NXPH1: variants seen among roughly 807,000 people sequenced by gnomAD.
NXPH1 encodes the protein neurexophilin 1.
In NXPH1, 5 loss-of-function variants were observed where a neutral mutation model predicts 23.7. The observed-to-expected ratio is 0.21, with a 90% CI of 0.11 to 0.44. The LOEUF (loss-of-function observed/expected upper bound fraction) is 0.44. Ranked by LOEUF, NXPH1 falls within the 20% of genes least tolerant of loss-of-function variation. The pLI is 0.99. For missense variants in NXPH1, 324 were observed against 321.6 expected (o/e 1.01, Z -0.06); for synonymous variants, 144 against 122.2 (o/e 1.18, Z -1.18).
At chr7:8,678,434 G>A (rs534583692) in intron 2 of NXPH1, among the ~76,000 whole-genome samples, 7 of 152,142 alleles carry the variant, frequency 4.6e-5, no homozygotes, top group South Asian at 2.1e-4. Flanking sequence ...GGGGTCTGTG[G>A]GAGTTTCTCA....
rs184310747 is a variant in NXPH1 at position 8,493,236 on chromosome 7, A to G, written c.54+57469A>G. ...GGACAATGGTTAGTTCACCTGAAGG[A>G]ATGTCTCCTGCTAAGGCTCTGTACC... On this transcript the variant is annotated intron_variant, in intron 2 of 2. Coordinates refer to ENST00000405863, the MANE Select transcript of NXPH1 (RefSeq NM_152745.3). Among the ~76,000 whole-genome samples, 90 of 152,134 alleles carry G rather than the reference A, an allele frequency of 5.9e-4. 1 individual carries two copies. The highest frequency in any genetic ancestry group is 2.1e-3 in the African/African-American group (88 of 41,542).
chr7:8,484,044 G>GC (rs1817118706), intron 2 of NXPH1, among the ~76,000 whole-genome samples: 2 of 146,322 alleles, frequency 1.4e-5, no homozygotes, highest in African/African-American at 5.2e-5. Flanking sequence ...GAAGCCATTT[G>GC]CTTCAGTAAG....
intron 2 of NXPH1, among the ~76,000 whole-genome samples, chr7:8,536,359 G>T (rs1281526013): frequency 1.3e-5 from 2 of 152,024 alleles, no homozygotes; most frequent in East Asian, 3.9e-4. Context: ...CATGGCTTTA[G>T]AACATTTCTG....
At chr7:8,745,762 G>T (rs181590015) in intron 2 of NXPH1, among the ~76,000 whole-genome samples, 3 of 145,020 alleles carry the variant, frequency 2.1e-5, no homozygotes, top group East Asian at 4.1e-4. Flanking sequence ...TAGAGACAGG[G>T]TGTCACCATG....
intron 2 of NXPH1, among the ~76,000 whole-genome samples, chr7:8,479,765 A>G (rs1395060612): frequency 1.3e-5 from 2 of 152,174 alleles, no homozygotes; most frequent in Admixed American, 6.6e-5. Flanking sequence ...TCAGGAATCA[A>G]TTTTAAGAAC....
At chr7:8,592,235 A>G (rs948243978) in intron 2 of NXPH1, among the ~76,000 whole-genome samples, 3 of 151,990 alleles carry the variant, frequency 2.0e-5, no homozygotes, top group African/African-American at 7.2e-5. Flanking sequence ...ATGGGACATG[A>G]TGTGTGAGAG....
chr7:8,596,054 C>G (rs549723653), intron 2 of NXPH1, among the ~76,000 whole-genome samples: 19 of 151,990 alleles, frequency 1.3e-4, no homozygotes, highest in Middle Eastern at 3.4e-3. Flanking sequence ...TCACAGAAAA[C>G]AAATGGTATA....
At chr7:8,482,290 C>G (rs1466436835) in intron 2 of NXPH1, among the ~76,000 whole-genome samples, 1 of 152,182 alleles carries the variant, frequency 6.6e-6, no homozygotes, top group East Asian at 1.9e-4. Flanking sequence ...CTGATTGTGC[C>G]TCAGTGAATG....
intron 2 of NXPH1, among the ~76,000 whole-genome samples, chr7:8,738,483 C>T (rs1203085969): frequency 6.6e-6 from 1 of 152,176 alleles, no homozygotes; most frequent in Non-Finnish European, 1.5e-5. Context: ...CTGCCTGTTC[C>T]TTCCTCTGGA....
At chr7:8,436,661 G>A (rs1816201578) in intron 2 of NXPH1, among the ~76,000 whole-genome samples, 1 of 152,214 alleles carries the variant, frequency 6.6e-6, no homozygotes, top group African/African-American at 2.4e-5. Flanking sequence ...GGACACTTGT[G>A]CCCTGCTGGT....
intron 2 of NXPH1, among the ~76,000 whole-genome samples, chr7:8,465,396 C>T (rs1816770172): frequency 6.6e-6 from 1 of 152,052 alleles, no homozygotes; most frequent in Admixed American, 6.5e-5. Flanking sequence ...GATTAATTAC[C>T]TTTTATAAGG....
At chr7:8,443,060 C>G (rs1421846986) in intron 2 of NXPH1, among the ~76,000 whole-genome samples, 1 of 152,228 alleles carries the variant, frequency 6.6e-6, no homozygotes, top group Non-Finnish European at 1.5e-5. Context: ...CCGGCTGGGT[C>G]CTTAAAGTCG....
chr7:8,710,884 G>A (rs1019308807), intron 2 of NXPH1, among the ~76,000 whole-genome samples: 1 of 114,114 alleles, frequency 8.8e-6, no homozygotes, highest in Non-Finnish European at 1.6e-5. Context: ...GGATGGTCTC[G>A]ATCTCCTGAC....
At chr7:8,514,451 G>A (rs1032748672) in intron 2 of NXPH1, among the ~76,000 whole-genome samples, 2 of 152,116 alleles carry the variant, frequency 1.3e-5, no homozygotes, top group African/African-American at 4.8e-5. Context: ...AGTCTCAAGT[G>A]TTTCTACTAC....
chr7:8,499,966 C>T (rs1000878656), intron 2 of NXPH1, among the ~76,000 whole-genome samples: 2 of 152,076 alleles, frequency 1.3e-5, no homozygotes, highest in Non-Finnish European at 2.9e-5. Flanking sequence ...CTCTTCATAT[C>T]CTTTATGGTT....
chr7:8,680,791 C>T (rs1316330874), intron 2 of NXPH1, among the ~76,000 whole-genome samples: 1 of 152,190 alleles, frequency 6.6e-6, no homozygotes, highest in African/African-American at 2.4e-5. Flanking sequence ...AGGTAGCTCC[C>T]ATCAAGGATA....
intron 2 of NXPH1, among the ~76,000 whole-genome samples, chr7:8,530,149 C>A (rs1446582294): frequency 6.6e-6 from 1 of 152,100 alleles, no homozygotes; most frequent in African/African-American, 2.4e-5. Context: ...CATGAAGAGC[C>A]TGTTGGAAGT....
At chr7:8,658,396 T>A (rs1260512167) in intron 2 of NXPH1, among the ~76,000 whole-genome samples, 1 of 152,210 alleles carries the variant, frequency 6.6e-6, no homozygotes, top group African/African-American at 2.4e-5. Context: ...ACTTAAATTT[T>A]TTCTTAAGTT....
At chr7:8,711,662 G>A (rs1036047913) in intron 2 of NXPH1, among the ~76,000 whole-genome samples, 4 of 152,162 alleles carry the variant, frequency 2.6e-5, no homozygotes, top group Admixed American at 2.6e-4. Flanking sequence ...GAGCATGAGT[G>A]TGTGCATGTA....
Sources: allele counts gnomAD v4.1 joint callset (sites outside exome capture counted in the v4.1 genomes callset), GRCh38; gene constraint gnomAD v4.1.1; transcripts MANE v1.5; gene names NCBI Gene and HGNC (gene_info 2026-07-23, HGNC 2026-07-21).